Variants in DLG2 observed in about 807,000 individuals in gnomAD.
The protein encoded by DLG2 is discs large MAGUK scaffold protein 2.
In DLG2, 45 loss-of-function variants were observed where a neutral mutation model predicts 132.5. The observed-to-expected ratio is 0.34, with a 90% CI of 0.27 to 0.44. DLG2 has a LOEUF of 0.44. Ranked by LOEUF, DLG2 falls within the 20% of genes least tolerant of loss-of-function variation. The pLI is 1.00. For synonymous variants in DLG2, 424 were observed against 419.6 expected, an observed-to-expected ratio of 1.01 and a Z score of -0.13; for missense variants, 1,045 against 1,196.9, an observed-to-expected ratio of 0.87 and a Z score of 1.87.
At chr11:84,096,314 C>A (rs1054113146) in intron 10 of DLG2, among the ~76,000 whole-genome samples, 6 of 152,204 alleles carry the variant, frequency 3.9e-5, no homozygotes, top group Middle Eastern at 3.4e-3. Flanking sequence ...CAATGTCCTG[C>A]ACATGATAAA....
intron 7 of DLG2, among the ~76,000 whole-genome samples, chr11:84,424,129 A>G (rs551181665): frequency 6.6e-6 from 1 of 152,286 alleles, no homozygotes; most frequent in Admixed American, 6.5e-5. Context: ...ATGCTTTTCA[A>G]GTTAATGACT....
intron 6 of DLG2, among the ~76,000 whole-genome samples, chr11:84,838,381 C>A (rs17147621): frequency 0.027 from 3,773 of 138,878 alleles, 183 homozygotes; most frequent in African/African-American, 0.096. Flanking sequence ...TTAGCCGAAG[C>A]ACAAGACAGA....
At chr11:84,821,147 G>A (rs1175825843) in intron 6 of DLG2, among the ~76,000 whole-genome samples, 1 of 151,782 alleles carries the variant, frequency 6.6e-6, no homozygotes, top group South Asian at 2.1e-4. Context: ...TTTTTCCAAA[G>A]CAATTTCATT....
chr11:83,841,198 T>C (rs1391449405), intron 16 of DLG2, among the ~76,000 whole-genome samples: 2 of 152,254 alleles, frequency 1.3e-5, no homozygotes, highest in Non-Finnish European at 2.9e-5. Flanking sequence ...CTAATACTCA[T>C]AGAACAGTGT....
At chr11:85,452,087 G>A (rs950968001) in intron 3 of DLG2, among the ~76,000 whole-genome samples, 3 of 151,634 alleles carry the variant, frequency 2.0e-5, no homozygotes, top group Non-Finnish European at 4.4e-5. Context: ...ACAAACTGTG[G>A]TATTTTTATA....
At chr11:84,106,007 C>A (rs756611414) in intron 9 of DLG2, among the ~76,000 whole-genome samples, 73 of 152,160 alleles carry the variant, frequency 4.8e-4, no homozygotes, top group Non-Finnish European at 3.5e-4. Flanking sequence ...CTCATATGCA[C>A]CCTGATCGAA....
chr11:83,611,934 G>A (rs909008093), intron 19 of DLG2, among the ~76,000 whole-genome samples: 7 of 152,188 alleles, frequency 4.6e-5, no homozygotes, highest in Non-Finnish European at 7.3e-5. Context: ...CTGTTTGAGC[G>A]GGAGGGAAGC....
chr11:84,492,859 A>T (rs1284593404), intron 7 of DLG2, among the ~76,000 whole-genome samples: 2 of 152,068 alleles, frequency 1.3e-5, no homozygotes, highest in Admixed American at 1.3e-4. Flanking sequence ...GACAGTTTTA[A>T]CCATCAGACC....
intron 6 of DLG2, among the ~76,000 whole-genome samples, chr11:84,937,826 C>T (rs1193919519): frequency 6.6e-6 from 1 of 152,150 alleles, no homozygotes; most frequent in Non-Finnish European, 1.5e-5. Context: ...AATATTTTGA[C>T]ATACTAGAAA....
chr11:83,633,782 A>ACACACAAC (rs1555268407), intron 18 of DLG2, among the ~76,000 whole-genome samples: 1 of 148,010 alleles, frequency 6.8e-6, no homozygotes, highest in Non-Finnish European at 1.5e-5. Context: ...ACACACACAC[A>ACACACAAC]ACTGCGGAAA....
chr11:84,709,888 T>TA (rs1307982256), intron 6 of DLG2, among the ~76,000 whole-genome samples: 5 of 152,020 alleles, frequency 3.3e-5, no homozygotes, highest in African/African-American at 9.6e-5. Flanking sequence ...TACAAGGCTT[T>TA]AAAAAACTGA....
At chr11:84,983,728 A>G (rs899401311) in intron 6 of DLG2, among the ~76,000 whole-genome samples, 1 of 152,212 alleles carries the variant, frequency 6.6e-6, no homozygotes, top group Non-Finnish European at 1.5e-5. Flanking sequence ...AGCCTAATTT[A>G]AGGAAATTTT....
At chr11:85,357,381 A>T (rs1372703804) in intron 3 of DLG2, among the ~76,000 whole-genome samples, 1 of 149,510 alleles carries the variant, frequency 6.7e-6, no homozygotes, top group East Asian at 2.0e-4. Context: ...TTTAGTAGAG[A>T]AGGGTTTTCA....
rs765798428 is a variant in DLG2, at chr11:84,099,820, G to GAT, written c.625-775_625-774dup. 2.7e-3 allele frequency among the ~76,000 whole-genome samples: 312 copies of GAT among 113,688 alleles called. 19 individuals are homozygous for GAT. Among genetic ancestry groups the GAT allele is most frequent in the Middle Eastern group, 0.011 (2 of 188 alleles). 74.6% of individuals were successfully genotyped at this position (113,688 alleles called of 152,430 possible). A position where few individuals can be genotyped will look rare whatever the true frequency, so the allele number is the denominator to read the frequency against. On this transcript the variant is annotated intron_variant, in intron 9 of 27. Transcript: ENST00000376104. ...ATATAAGGATATATATATCTAAAGA[G>GAT]ATATATATATCTAAAGCGATATATA...
In DLG2 at chr11:84,114,827, A is replaced by ATT. The variant is rs11376031; in HGVS notation, c.625-15782_625-15781dup. Among the ~76,000 whole-genome samples the ATT allele has an allele frequency of 3.8e-3, 528 of 140,144 alleles. 2 individuals are homozygous for ATT. The highest frequency in any genetic ancestry group is 0.015 in the South Asian group (66 of 4,384). 91.9% of individuals were successfully genotyped at this position (140,144 alleles called of 152,430 possible). On this transcript the variant is annotated intron_variant, in intron 9 of 27. Coordinates refer to ENST00000376104, the MANE Select transcript of DLG2 (RefSeq NM_001142699.3). ...CAGGCACAAACCATGAAGCCTGGCT[A>ATT]TTTTTTTTTTTTTTTCATTTTTTAT...
intron 3 of DLG2, among the ~76,000 whole-genome samples, chr11:85,581,959 C>T (rs979262655): frequency 8.5e-5 from 13 of 152,100 alleles, no homozygotes; most frequent in Non-Finnish European, 1.8e-4. Context: ...AGTGGACTGT[C>T]TGAGGAAGTG....
intron 3 of DLG2, among the ~76,000 whole-genome samples, chr11:85,560,607 T>G (rs1008651403): frequency 2.6e-5 from 4 of 151,902 alleles, no homozygotes; most frequent in African/African-American, 9.7e-5. Context: ...ATGATGGGAA[T>G]GCTCTAAAAC....
At chr11:84,339,819 T>C (rs1226805615) in intron 7 of DLG2, among the ~76,000 whole-genome samples, 1 of 152,216 alleles carries the variant, frequency 6.6e-6, no homozygotes, top group African/African-American at 2.4e-5. Context: ...GACCTGAAGA[T>C]TACAAGCTAG....
At chr11:85,041,722 T>C (rs1273686109) in intron 6 of DLG2, among the ~76,000 whole-genome samples, 1 of 151,946 alleles carries the variant, frequency 6.6e-6, no homozygotes, top group Non-Finnish European at 1.5e-5. Context: ...TACATTTGGA[T>C]GCAAAACCAA....
Sources: gnomAD v4.1 joint callset for allele counts (sites outside exome capture counted in the v4.1 genomes callset) on GRCh38, gnomAD v4.1.1 for gene constraint, MANE v1.5 for transcripts, NCBI Gene and HGNC (gene_info 2026-07-23, HGNC 2026-07-21) for gene names.